The following KCNQ3 variants were observed in gnomAD, a reference collection of about 807,000 sequenced individuals.
KCNQ3 encodes potassium voltage-gated channel subfamily KQT member 3.
In KCNQ3, 30 loss-of-function variants were observed where a neutral mutation model predicts 92.5. The ratio of observed to expected loss-of-function variants is 0.32; its 90% CI spans 0.24 to 0.44. The LOEUF is 0.44. KCNQ3 is among the 20% of genes least tolerant of loss of function. The pLI is 1.00. For missense variants in KCNQ3, 913 were observed against 1,140.3 expected (o/e 0.80, Z 2.87); for synonymous variants, 450 against 468.8 (o/e 0.96, Z 0.52).
At chr8:132,133,969 T>A (rs938091144) in intron 13 of KCNQ3, among the ~76,000 whole-genome samples, 3 of 152,038 alleles carry the variant, frequency 2.0e-5, no homozygotes, top group Non-Finnish European at 2.9e-5. Flanking sequence ...GTTCTGCTGA[T>A]ATGAAGTTTT....
chr8:132,185,324 C>G (rs917533606), intron 2 of KCNQ3, among the ~76,000 whole-genome samples: 3 of 152,230 alleles, frequency 2.0e-5, no homozygotes, highest in African/African-American at 7.2e-5. Flanking sequence ...CCCATGCAGT[C>G]GGCATTGCCC....
chr8:132,207,664 G>A (rs1221097362), intron 1 of KCNQ3, among the ~76,000 whole-genome samples: 1 of 151,650 alleles, frequency 6.6e-6, no homozygotes. Context: ...TATAAAAATT[G>A]GTCCTCTCAG....
rs1816402612 is a variant in KCNQ3, at chr8:132,278,257, C to G, written c.387-92076G>C. The G allele has an allele frequency of 5.1e-6, 5 of 976,418 alleles. No individual in the cohort carries two copies. In the South Asian group the frequency reaches 2.4e-4, roughly 46 times the overall value. 60.5% of individuals were successfully genotyped at this position (976,418 alleles called of 1,614,324 possible). Reference sequence around the variant, plus strand: ...AAAGTAGAGGCATAAATCTCAATATCATTTCTAATTTGGGTTGCAATTTAG... The same window carrying G: ...AAAGTAGAGGCATAAATCTCAATATGATTTCTAATTTGGGTTGCAATTTAG... On this transcript the variant is annotated intron_variant, in intron 1 of 14. Coordinates refer to ENST00000388996, the MANE Select transcript of KCNQ3 (RefSeq NM_004519.4).
chr8:132,207,728 C>G (rs1428691324), intron 1 of KCNQ3, among the ~76,000 whole-genome samples: 1 of 151,416 alleles, frequency 6.6e-6, no homozygotes, highest in East Asian at 1.9e-4. Context: ...ATCCCATTAG[C>G]ACCTTTCTAC....
rs542635693 is a variant in KCNQ3 at position 132,331,041 on chromosome 8, C to A, written c.387-144860G>T. Among the ~76,000 whole-genome samples the A allele has an allele frequency of 2.7e-4, 41 of 152,278 alleles. 1 individual carries two copies. Among genetic ancestry groups the A allele is most frequent in the African/African-American group, 9.9e-4 (41 of 41,548 alleles). On this transcript the variant is annotated intron_variant, in intron 1 of 14. Coordinates refer to ENST00000388996, the MANE Select transcript of KCNQ3 (RefSeq NM_004519.4). ...GTCCCATTTTTCCTGGCTTCCAGTC[C>A]CCTTGGGTGGCTGGATGCTGTGCCC...
chr8:132,434,359 G>A (rs925586029), intron 1 of KCNQ3, among the ~76,000 whole-genome samples: 3 of 151,698 alleles, frequency 2.0e-5, no homozygotes, highest in Admixed American at 6.6e-5. Flanking sequence ...TATTAACATT[G>A]TCTTACATTT....
chr8:132,195,452 C>T (rs1827275149), intron 1 of KCNQ3, among the ~76,000 whole-genome samples: 1 of 152,200 alleles, frequency 6.6e-6, no homozygotes, highest in African/African-American at 2.4e-5. Flanking sequence ...CTTAGGGGGC[C>T]TTCAGTGCTA....
chr8:132,356,902 A>G (rs978151), intron 1 of KCNQ3, among the ~76,000 whole-genome samples: 4,432 of 152,306 alleles, frequency 0.029, 230 homozygotes, highest in African/African-American at 0.1. Flanking sequence ...CAATTTCAAT[A>G]TGAGTTGTGA....
chr8:132,124,747 G>A lies in KCNQ3; in HGVS notation c.*4515C>T, dbSNP rs1029904024. ...CTGAAAAACAAGCCTTCAAGGACAA[G>A]TGAGGACATGAAGCAAATTCCTAAG... On this transcript the variant is annotated 3_prime_UTR_variant, in exon 15 of 15. Coordinates refer to ENST00000388996, the MANE Select transcript of KCNQ3 (RefSeq NM_004519.4). 6.6e-6 allele frequency: 1 copy of A among 152,216 alleles called. No homozygotes were observed. 9.4% of individuals were successfully genotyped at this position (152,216 alleles called of 1,614,324 possible). A position where few individuals can be genotyped will look rare whatever the true frequency, so the allele number is the denominator to read the frequency against.
At chr8:132,272,736 A>C (rs1356118961) in intron 1 of KCNQ3, among the ~76,000 whole-genome samples, 1 of 152,166 alleles carries the variant, frequency 6.6e-6, no homozygotes, top group Non-Finnish European at 1.5e-5. Flanking sequence ...CGTCCCCATA[A>C]TTCAATTACC....
At chr8:132,230,816 T>A (rs1814622741) in intron 1 of KCNQ3, among the ~76,000 whole-genome samples, 1 of 152,172 alleles carries the variant, frequency 6.6e-6, no homozygotes, top group African/African-American at 2.4e-5. Flanking sequence ...AAGAATTACA[T>A]CCACTTCTTA....
intron 1 of KCNQ3, among the ~76,000 whole-genome samples, chr8:132,330,248 G>C (rs1260953022): frequency 1.3e-5 from 2 of 152,356 alleles, no homozygotes; most frequent in South Asian, 2.1e-4. Context: ...AGAGCTCCCA[G>C]AGTGGACAAG....
intron 1 of KCNQ3, among the ~76,000 whole-genome samples, chr8:132,472,976 C>T (rs537349105): frequency 6.6e-6 from 1 of 152,104 alleles, no homozygotes; most frequent in African/African-American, 2.4e-5. Context: ...AATGGAAATT[C>T]AGGAAGGTTG....
intron 1 of KCNQ3, among the ~76,000 whole-genome samples, chr8:132,394,874 G>C (rs1455498310): frequency 2.0e-5 from 3 of 152,206 alleles, no homozygotes; most frequent in African/African-American, 4.8e-5. Flanking sequence ...ATCCTGAGAA[G>C]ATGAACTGTG....
intron 1 of KCNQ3, among the ~76,000 whole-genome samples, chr8:132,354,216 C>A (rs1818952231): frequency 6.6e-6 from 1 of 152,194 alleles, no homozygotes; most frequent in Admixed American, 6.5e-5. Flanking sequence ...CTCCTGTGTG[C>A]TCTCATGGGA....
chr8:132,149,815 A>G (rs536186486), intron 9 of KCNQ3, among the ~76,000 whole-genome samples: 10 of 152,220 alleles, frequency 6.6e-5, no homozygotes, highest in Admixed American at 2.6e-4. Context: ...ATGAGCCACA[A>G]CTGCTGCCTG....
Position 132,192,229 on chromosome 8 carries a change from C to A in KCNQ3, c.387-6048G>T, listed in dbSNP as rs543591588. ...GCAGCAGAGGCCCGGCGTAGCCCCG[C>A]GCTTCTCACGCCTCACCAGCAACCG... is the stretch of plus-strand genomic sequence containing the variant. On this transcript the variant is annotated intron_variant, in intron 1 of 14. Transcript: ENST00000388996. Among the ~76,000 whole-genome samples the A allele has an allele frequency of 5.1e-4, 77 of 152,282 alleles. 1 individual carries two copies. Among genetic ancestry groups the A allele is most frequent in the African/African-American group, 1.8e-3 (75 of 41,554 alleles).
chr8:132,173,785 T>C (rs974201224), intron 6 of KCNQ3, among the ~76,000 whole-genome samples: 2 of 152,142 alleles, frequency 1.3e-5, no homozygotes, highest in Admixed American at 1.3e-4. Context: ...ACATGTATTT[T>C]TTACATAAGC....
Position 132,260,285 on chromosome 8 carries a change from G to C in KCNQ3, c.387-74104C>G, listed in dbSNP as rs184791730. Among the ~76,000 whole-genome samples the C allele has an allele frequency of 4.9e-3, 743 of 152,222 alleles. 6 individuals carry two copies. Among genetic ancestry groups the C allele is most frequent in the African/African-American group, 0.017 (719 of 41,550 alleles). ...TTCTATCTAAGCTTTCGGGCTAGAA[G>C]GGGTATGTCATTCCTACCCACAAGG... On this transcript the variant is annotated intron_variant, in intron 1 of 14. Transcript: ENST00000388996.
Sources: gnomAD v4.1 joint callset for allele counts (sites outside exome capture counted in the v4.1 genomes callset) on GRCh38, gnomAD v4.1.1 for gene constraint, MANE v1.5 for transcripts, NCBI Gene and HGNC (gene_info 2026-07-23, HGNC 2026-07-21) for gene names.